Variants in FAM135B observed in about 807,000 individuals in gnomAD.
FAM135B encodes the protein protein FAM135B.
In FAM135B, 43 loss-of-function variants were observed where a neutral mutation model predicts 127.7. That is an observed-to-expected ratio of 0.34 (90% CI 0.26 to 0.43). The LOEUF (loss-of-function observed/expected upper bound fraction) is 0.43, where lower values mean the gene tolerates loss of function less well. Among genes scored for constraint, FAM135B ranks in the 20% least tolerant of loss-of-function variants. The probability of loss-of-function intolerance (pLI) is 1.00; values close to 1 mark genes in which losing one functional copy is unlikely to be tolerated. For synonymous variants in FAM135B, 670 were observed against 665.1 expected, an observed-to-expected ratio of 1.01 and a Z score of -0.11; for missense variants, 1,558 against 1,725.6, an observed-to-expected ratio of 0.90 and a Z score of 1.72.
chr8:138,293,174 T>C (rs1825241306), intron 3 of FAM135B, among the ~76,000 whole-genome samples: 1 of 152,126 alleles, frequency 6.6e-6, no homozygotes, highest in South Asian at 2.1e-4. Flanking sequence ...TAATTGATGA[T>C]GGGAAAACTG....
At chr8:138,167,239 A>C (rs989215983) in intron 12 of FAM135B, among the ~76,000 whole-genome samples, 1 of 152,104 alleles carries the variant, frequency 6.6e-6, no homozygotes, top group Non-Finnish European at 1.5e-5. Flanking sequence ...TTTGTTGCCC[A>C]GGCTGGAATG....
At chr8:138,370,608 G>A (rs943342339) in intron 1 of FAM135B, among the ~76,000 whole-genome samples, 6 of 151,928 alleles carry the variant, frequency 3.9e-5, no homozygotes, top group South Asian at 2.1e-4. Flanking sequence ...CCACCACCAC[G>A]CCTGGCTAAT....
chr8:138,291,719 A>T (rs536853153), intron 3 of FAM135B, among the ~76,000 whole-genome samples: 120 of 152,202 alleles, frequency 7.9e-4, no homozygotes, highest in Non-Finnish European at 1.5e-3. Flanking sequence ...GCAAAAAAGC[A>T]TTTGACAAAA....
intron 1 of FAM135B, among the ~76,000 whole-genome samples, chr8:138,377,058 A>C (rs1443929414): frequency 6.6e-6 from 1 of 152,250 alleles, no homozygotes; most frequent in Admixed American, 6.5e-5. Flanking sequence ...AAGAAATATC[A>C]TAATTCCAAT....
intron 1 of FAM135B, among the ~76,000 whole-genome samples, chr8:138,435,983 C>A (rs1835432629): frequency 1.3e-5 from 2 of 152,316 alleles, no homozygotes; most frequent in Non-Finnish European, 1.5e-5. Context: ...CAGCTTTCTA[C>A]CATCCTGCCC....
At chr8:138,393,653 T>C (rs1169239429) in intron 1 of FAM135B, among the ~76,000 whole-genome samples, 2 of 152,018 alleles carry the variant, frequency 1.3e-5, no homozygotes, top group Non-Finnish European at 2.9e-5. Flanking sequence ...ATAACTGCAG[T>C]AGTCTCAGGC....
intron 2 of FAM135B, among the ~76,000 whole-genome samples, chr8:138,348,415 G>A (rs753924918): frequency 4.2e-4 from 64 of 152,060 alleles, no homozygotes; most frequent in South Asian, 1.0e-3. Context: ...GATTACAGGC[G>A]TGAGCCACCG....
At chr8:138,215,332 A>T (rs1818463548) in intron 7 of FAM135B, among the ~76,000 whole-genome samples, 1 of 152,238 alleles carries the variant, frequency 6.6e-6, no homozygotes, top group Admixed American at 6.5e-5. Context: ...TGGGAGATAG[A>T]AAATAGTAAA....
chr8:138,317,759 T>G (rs1827196610), intron 2 of FAM135B, among the ~76,000 whole-genome samples: 1 of 152,212 alleles, frequency 6.6e-6, no homozygotes, highest in Admixed American at 6.5e-5. Flanking sequence ...TTCCACCAAA[T>G]CTATCTTTTT....
chr8:138,444,732 A>C (rs1249416122), intron 1 of FAM135B, among the ~76,000 whole-genome samples: 2 of 152,222 alleles, frequency 1.3e-5, no homozygotes, highest in African/African-American at 2.4e-5. Context: ...TAACATCACA[A>C]TTAAAAGAAC....
chr8:138,143,229 T>C (rs902362134), intron 15 of FAM135B, 120 bp from the exon 16 acceptor site: 1 of 629,254 alleles, frequency 1.6e-6, no homozygotes, highest in Admixed American at 2.5e-5. Context: ...CTACCTCTGA[T>C]GTTACGGCTA....
chr8:138,215,886 T>C (rs146986359), intron 7 of FAM135B, among the ~76,000 whole-genome samples: 1 of 152,282 alleles, frequency 6.6e-6, no homozygotes, highest in African/African-American at 2.4e-5. Context: ...TCAGTTTCTT[T>C]GGACATTCTC....
At position 138,153,034 on chromosome 8, in the gene FAM135B, C is replaced by G. The variant is rs1818330243; in HGVS notation, c.1441G>C (p.Glu481Gln). Reference protein sequence around the residue: ...DSDEEVIRCPEPGENVATQNH... With the variant: ...DSDEEVIRCPQPGENVATQNH... The stretch of plus-strand genomic sequence containing the variant: ...TGTGTGGCCACATTCTCACCTGGCT[C>G]TGGACACCTTATAACTTCTTCATCA... The change falls in exon 13 of 20, where the codon GAG becomes CAG. Residue 481 changes from glutamate to glutamine, a missense_variant. Physicochemically the swap from Glu to Gln is conservative, Grantham distance 29. This residue lies in a region of FAM135B where 923 missense variants were observed against 865.3 expected (regional missense o/e 1.07). Coordinates refer to ENST00000395297, the MANE Select transcript of FAM135B (RefSeq NM_015912.4). 1 of 1,614,084 alleles carries G rather than the reference C, an allele frequency of 6.2e-7. No individual in the cohort carries two copies. The highest frequency in any genetic ancestry group is 1.1e-5 in the South Asian group (1 of 91,084).
chr8:138,407,590 C>T (rs945781645), intron 1 of FAM135B, among the ~76,000 whole-genome samples: 1 of 152,142 alleles, frequency 6.6e-6, no homozygotes, highest in African/African-American at 2.4e-5. Flanking sequence ...ACAGAGCCCT[C>T]AGAAATAATG....
intron 1 of FAM135B, among the ~76,000 whole-genome samples, chr8:138,416,023 G>A (rs1460223553): frequency 6.6e-6 from 1 of 151,970 alleles, no homozygotes; most frequent in Non-Finnish European, 1.5e-5. Flanking sequence ...CCCTTCCCTT[G>A]GAGCATTCAT....
intron 7 of FAM135B, among the ~76,000 whole-genome samples, chr8:138,229,058 T>C (rs943816373): frequency 6.6e-5 from 10 of 152,128 alleles, no homozygotes; most frequent in African/African-American, 2.4e-4. Context: ...TGTGTGTGTG[T>C]GTGCGTGTGT....
chr8:138,291,588 T>C (rs1240217094), intron 3 of FAM135B, among the ~76,000 whole-genome samples: 1 of 152,162 alleles, frequency 6.6e-6, no homozygotes, highest in Non-Finnish European at 1.5e-5. Flanking sequence ...AAAAGGATCA[T>C]ATGTCATAAT....
chr8:138,137,470 T>C (rs1351612851), intron 18 of FAM135B, among the ~76,000 whole-genome samples: 2 of 151,196 alleles, frequency 1.3e-5, no homozygotes, highest in Admixed American at 6.6e-5. Context: ...CTATGGGAGG[T>C]TGAGAAAAGA....
At chr8:138,438,015 T>A (rs550373481) in intron 1 of FAM135B, 1 of 152,176 alleles carries the variant, frequency 6.6e-6, no homozygotes, top group African/African-American at 2.4e-5. Flanking sequence ...AAGAACTTAT[T>A]TGTGCTTCAA....
Sources: gnomAD v4.1 joint callset for allele counts (sites outside exome capture counted in the v4.1 genomes callset) on GRCh38, gnomAD v4.1.1 for gene constraint, gnomAD v4.1.1 regional missense constraint, MANE v1.5 for transcripts, NCBI Gene and HGNC (gene_info 2026-07-23, HGNC 2026-07-21) for gene names.